PARD3: variants seen among roughly 807,000 people sequenced by gnomAD.
The protein encoded by PARD3 is partitioning defective 3 homolog.
Under a neutral mutation model 155.4 loss-of-function variants are expected in PARD3, and 75 were observed. The observed-to-expected ratio is 0.48, with a 90% CI of 0.40 to 0.58. The LOEUF (loss-of-function observed/expected upper bound fraction) is 0.58, where lower values mean the gene tolerates loss of function less well. PARD3 is among the 20% of genes least tolerant of loss of function. PARD3 has a pLI of 0.00. For synonymous variants in PARD3, 576 were observed against 610.5 expected, an observed-to-expected ratio of 0.94 and a Z score of 0.83; for missense variants, 1,642 against 1,721.7, an observed-to-expected ratio of 0.95 and a Z score of 0.82.
intron 6 of PARD3, among the ~76,000 whole-genome samples, chr10:34,400,368 T>C (rs866014643): frequency 1.3e-5 from 2 of 152,224 alleles, no homozygotes; most frequent in Non-Finnish European, 2.9e-5. Flanking sequence ...TCTATGAATC[T>C]TTACTATTAA....
chr10:34,601,711 G>A (rs2384231), intron 2 of PARD3, among the ~76,000 whole-genome samples: 6 of 151,610 alleles, frequency 4.0e-5, no homozygotes, highest in East Asian at 1.9e-4. Flanking sequence ...TTCAGTTTCC[G>A]ACTACATTTG....
rs61841125 is a variant in PARD3 at position 34,643,669 on chromosome 10, G to C, written c.222+52649C>G. On this transcript the variant is annotated intron_variant, in intron 2 of 24. Transcript: ENST00000374788. ...GTGTGGCGGCTCACACCTATAATCAGTCTGAGAGGTACAACTGGGGAGGAT... is the reference window on the plus strand; with the variant it reads ...GTGTGGCGGCTCACACCTATAATCACTCTGAGAGGTACAACTGGGGAGGAT... Among the ~76,000 whole-genome samples, 684 of 152,276 alleles carry C rather than the reference G, an allele frequency of 4.5e-3. 3 individuals carry two copies. Among genetic ancestry groups the C allele is most frequent in the Admixed American group, 7.5e-3 (115 of 15,298 alleles).
intron 2 of PARD3, among the ~76,000 whole-genome samples, chr10:34,580,512 T>C (rs976082143): frequency 2.0e-5 from 3 of 152,144 alleles, no homozygotes; most frequent in Non-Finnish European, 2.9e-5. Context: ...TCCAGCTAGG[T>C]GACAGAGCGA....
At chr10:34,144,766 T>G (rs1310798484) in intron 22 of PARD3, among the ~76,000 whole-genome samples, 1 of 152,166 alleles carries the variant, frequency 6.6e-6, no homozygotes, top group African/African-American at 2.4e-5. Flanking sequence ...TAGCAAAATT[T>G]ATATGAAAAT....
At chr10:34,489,532 G>A (rs753599416) in intron 3 of PARD3, among the ~76,000 whole-genome samples, 3 of 152,136 alleles carry the variant, frequency 2.0e-5, no homozygotes, top group Non-Finnish European at 4.4e-5. Flanking sequence ...ACACAACCCT[G>A]TACACACTGG....
intron 22 of PARD3, among the ~76,000 whole-genome samples, chr10:34,197,354 G>C (rs1054855397): frequency 2.6e-5 from 4 of 152,078 alleles, no homozygotes; most frequent in Non-Finnish European, 5.9e-5. Flanking sequence ...TCCCCCGACT[G>C]GTTTTTGTCC....
chr10:34,355,955 AACCAAAC>A (rs1838818742), intron 14 of PARD3, among the ~76,000 whole-genome samples: 4 of 119,186 alleles, frequency 3.4e-5, no homozygotes, highest in African/African-American at 1.5e-4. Flanking sequence ...AACAAAACAA[AACCAAAC>A]AAAAAAACAG....
At chr10:34,352,555 G>T (rs10827352) in intron 14 of PARD3, among the ~76,000 whole-genome samples, 2 of 152,100 alleles carry the variant, frequency 1.3e-5, no homozygotes, top group Non-Finnish European at 2.9e-5. Context: ...CCATGTTGGC[G>T]GGGCTGGTCT....
chr10:34,344,948 G>A (rs1837248313), intron 15 of PARD3: 1 of 985,242 alleles, frequency 1.0e-6, no homozygotes, highest in South Asian at 4.7e-5. Flanking sequence ...TAAGTTGGCT[G>A]GAGTATGTGG....
intron 1 of PARD3, among the ~76,000 whole-genome samples, chr10:34,805,984 CA>C (rs1286889238): frequency 1.9e-3 from 282 of 144,956 alleles, no homozygotes; most frequent in Non-Finnish European, 2.7e-3. Context: ...CTCAAAAAGA[CA>C]AAAAAAAAGG....
intron 22 of PARD3, among the ~76,000 whole-genome samples, chr10:34,233,016 A>AT (rs1953014381): frequency 2.3e-5 from 2 of 85,772 alleles, no homozygotes; most frequent in Non-Finnish European, 4.8e-5. Context: ...CTCAAATGTT[A>AT]ATTTTTTTTT....
At chr10:34,179,298 C>G (rs973968795) in intron 22 of PARD3, among the ~76,000 whole-genome samples, 3 of 152,178 alleles carry the variant, frequency 2.0e-5, no homozygotes, top group Admixed American at 6.5e-5. Flanking sequence ...AAGGATAGCC[C>G]TCCAGTGGAA....
At chr10:34,127,058 C>T (rs918557689) in intron 23 of PARD3, among the ~76,000 whole-genome samples, 1 of 152,084 alleles carries the variant, frequency 6.6e-6, no homozygotes, top group Non-Finnish European at 1.5e-5. Context: ...TTTTCCCTAA[C>T]ATGATTGTTC....
chr10:34,289,005 G>A (rs1472665969), intron 20 of PARD3, among the ~76,000 whole-genome samples: 5 of 152,130 alleles, frequency 3.3e-5, no homozygotes, highest in East Asian at 1.9e-4. Context: ...TCTGTCACCC[G>A]GGCTGGAGTG....
chr10:34,112,992 C>T (rs1283603785), intron 24 of PARD3, among the ~76,000 whole-genome samples: 4 of 152,184 alleles, frequency 2.6e-5, no homozygotes, highest in Non-Finnish European at 4.4e-5. Context: ...TGATTATCTT[C>T]ACTTAAGTCA....
intron 2 of PARD3, among the ~76,000 whole-genome samples, chr10:34,643,612 T>C (rs1296236874): frequency 2.0e-5 from 3 of 152,224 alleles, no homozygotes; most frequent in Non-Finnish European, 4.4e-5. Context: ...GCATCACTTC[T>C]CATGTAAATC....
At chr10:34,450,295 A>C in intron 5 of PARD3, 22 bp downstream of exon 5, 3 of 1,608,450 alleles carry the variant, frequency 1.9e-6, no homozygotes, top group South Asian at 1.1e-5. Flanking sequence ...AATGACGCAC[A>C]TATAAGGATT....
intron 20 of PARD3, chr10:34,312,275 A>C: frequency 6.2e-7 from 1 of 1,606,090 alleles, no homozygotes; most frequent in Non-Finnish European, 8.5e-7. Flanking sequence ...ATTAAAAGTA[A>C]ATTTATTGTT....
intron 20 of PARD3, among the ~76,000 whole-genome samples, chr10:34,314,019 T>C (rs556504808): frequency 1.3e-5 from 2 of 152,286 alleles, no homozygotes; most frequent in African/African-American, 4.8e-5. Context: ...CGGTCCTCCA[T>C]ACTTGAACCC....
Sources: allele counts gnomAD v4.1 joint callset (sites outside exome capture counted in the v4.1 genomes callset), GRCh38; gene constraint gnomAD v4.1.1; transcripts MANE v1.5; gene names NCBI Gene and HGNC (gene_info 2026-07-23, HGNC 2026-07-21).